Variants in RP1 observed in about 807,000 individuals in gnomAD.
RP1 encodes RP1 axonemal microtubule associated, also known as oxygen-regulated protein 1.
Under a neutral mutation model 14.8 loss-of-function variants are expected in RP1, and 16 were observed. The observed-to-expected ratio is 1.08, with a 90% CI of 0.73 to 1.65. RP1 has a LOEUF of 1.65. Among genes scored for constraint, RP1 ranks in the 40% most tolerant of loss-of-function variants. RP1 has a pLI of 0.00. For missense variants in RP1, 2,631 were observed against 2,535.0 expected (o/e 1.04, Z -0.81); for synonymous variants, 876 against 883.6 (o/e 0.99, Z 0.15).
At chr8:54,806,602 C>A (rs1248307858) in intron 24 of RP1, among the ~76,000 whole-genome samples, 1 of 152,152 alleles carries the variant, frequency 6.6e-6, no homozygotes, top group African/African-American at 2.4e-5. Context: ...TACCTTGCTA[C>A]ATGTGAACAT....
At position 54,627,263 on chromosome 8, in the gene RP1, T is replaced by C. The variant is rs1806086282; in HGVS notation, c.3381T>C (p.Asn1127=). 2 of 1,613,956 alleles carry C rather than the reference T, an allele frequency of 1.2e-6. No homozygotes were observed. The highest frequency in any genetic ancestry group is 1.7e-6 in the Non-Finnish European group (2 of 1,179,990). The change falls in exon 4 of 4, where the codon AAT becomes AAC. Residue 1127 remains asparagine, a synonymous_variant. Coordinates refer to ENST00000220676, the MANE Select transcript of RP1 (RefSeq NM_006269.2). ...CTGCAATATGTAATTCATCCACTAATCTCCTTCTAGCTTGGCTCTTGGTGC... is the reference window on the plus strand; with the variant it reads ...CTGCAATATGTAATTCATCCACTAACCTCCTTCTAGCTTGGCTCTTGGTGC... The part of the protein sequence containing the change: ...FHSAICNSST[N]LLLAWLLVLN...
intron 21 of RP1, among the ~76,000 whole-genome samples, chr8:54,757,876 C>A (rs998091102): frequency 2.6e-5 from 4 of 152,134 alleles, no homozygotes; most frequent in African/African-American, 7.2e-5. Context: ...TGAGAAGATG[C>A]ACAAATATTC....
intron 3 of RP1, 69 bp from the exon 4 acceptor site, chr8:54,624,601 A>G (rs1380976224): frequency 2.6e-5 from 39 of 1,501,084 alleles, no homozygotes; most frequent in Non-Finnish European, 3.3e-5. Flanking sequence ...TCCTTTGGAT[A>G]TTTCTAACTT....
intron 24 of RP1, among the ~76,000 whole-genome samples, chr8:54,832,578 C>T (rs925399652): frequency 6.6e-6 from 1 of 151,916 alleles, no homozygotes; most frequent in Non-Finnish European, 1.5e-5. Flanking sequence ...TCCTTGTCTG[C>T]TAATTCCAAC....
intron 24 of RP1, among the ~76,000 whole-genome samples, chr8:54,829,981 A>G (rs1811479846): frequency 6.6e-6 from 1 of 152,226 alleles, no homozygotes; most frequent in Non-Finnish European, 1.5e-5. Flanking sequence ...CAATGTTCTT[A>G]GAATTAAAAA....
chr8:54,644,499 C>T (rs1483251982), intron 3 of RP1, among the ~76,000 whole-genome samples: 4 of 152,204 alleles, frequency 2.6e-5, no homozygotes, highest in Non-Finnish European at 4.4e-5. Flanking sequence ...AAGGGTTCTT[C>T]TCCACAGATC....
chr8:54,796,097 A>G (rs1239977188), intron 24 of RP1, among the ~76,000 whole-genome samples: 1 of 152,176 alleles, frequency 6.6e-6, no homozygotes, highest in African/African-American at 2.4e-5. Flanking sequence ...GGGTGGACAG[A>G]TAGTGCAGTG....
chr8:54,649,368 A>T (rs908650165), intron 4 of RP1, among the ~76,000 whole-genome samples: 1 of 152,164 alleles, frequency 6.6e-6, no homozygotes, highest in Non-Finnish European at 1.5e-5. Flanking sequence ...GTAAACACTT[A>T]TTTTTATGTG....
chr8:54,625,182 A>G lies in RP1; in HGVS notation c.1300A>G (p.Ile434Val). 2 of 1,614,236 alleles carry G rather than the reference A, an allele frequency of 1.2e-6. No homozygotes were observed. Among genetic ancestry groups the G allele is most frequent in the Non-Finnish European group, 1.7e-6 (2 of 1,180,038 alleles). The change falls in exon 4 of 4, where the codon ATC becomes GTC. Residue 434 changes from isoleucine (I) to valine (V), a missense_variant. Transcript: ENST00000220676. The part of the protein sequence containing the change: ...SWENATVDTD[I>V]IQGTQDQAKH... ...GGAGAATGCTACTGTGGACACAGAT[A>G]TCATCCAGGGAACTCAAGACCAAGC... is the stretch of plus-strand genomic sequence containing the variant.
At chr8:54,734,075 A>T (rs993581645) in intron 17 of RP1, among the ~76,000 whole-genome samples, 2 of 152,004 alleles carry the variant, frequency 1.3e-5, no homozygotes, top group Non-Finnish European at 2.9e-5. Flanking sequence ...GTATTTTTTA[A>T]TTTTTTCAGA....
chr8:54,810,733 G>T (rs777293156), intron 24 of RP1, among the ~76,000 whole-genome samples: 40 of 152,186 alleles, frequency 2.6e-4, no homozygotes, highest in Admixed American at 1.6e-3. Context: ...GTTTAATGTT[G>T]TTCCTGGAGA....
intron 24 of RP1, among the ~76,000 whole-genome samples, chr8:54,833,568 T>A (rs983498779): frequency 1.3e-5 from 2 of 151,998 alleles, no homozygotes; most frequent in African/African-American, 4.8e-5. Context: ...GACTGCTATG[T>A]TAGAAAAAGT....
intron 19 of RP1, among the ~76,000 whole-genome samples, chr8:54,739,687 C>A (rs954484814): frequency 6.6e-6 from 1 of 150,724 alleles, no homozygotes; most frequent in Non-Finnish European, 1.5e-5. Flanking sequence ...GACTCGTGTG[C>A]TTTCTGTCTC....
At chr8:54,657,196 C>T (rs1421752753) in intron 6 of RP1, among the ~76,000 whole-genome samples, 1 of 152,076 alleles carries the variant, frequency 6.6e-6, no homozygotes, top group African/African-American at 2.4e-5. Context: ...ACTATTCTTC[C>T]TCATCAGCCC....
At chr8:54,815,541 T>G (rs187117858) in intron 24 of RP1, among the ~76,000 whole-genome samples, 1 of 152,238 alleles carries the variant, frequency 6.6e-6, no homozygotes, top group African/African-American at 2.4e-5. Context: ...AATATTAAGA[T>G]AGATTACAAA....
chr8:54,739,993 C>T (rs77879413), intron 19 of RP1, among the ~76,000 whole-genome samples: 4,240 of 151,294 alleles, frequency 0.028, 169 homozygotes, highest in African/African-American at 0.083. Context: ...ATGTACAGTA[C>T]GTAATACTTG....
At chr8:54,609,065 T>C (rs539059518) in intron 1 of RP1, among the ~76,000 whole-genome samples, 1 of 152,316 alleles carries the variant, frequency 6.6e-6, no homozygotes, top group South Asian at 2.1e-4. Context: ...TAAGCTATGA[T>C]GGATAGATGT....
At chr8:54,673,768 C>CAAA in intron 7 of RP1, 2 of 1,194,082 alleles carry the variant, frequency 1.7e-6, no homozygotes, top group East Asian at 5.3e-5. Context: ...ACAACAACAA[C>CAAA]AAACACTGCA....
intron 23 of RP1, among the ~76,000 whole-genome samples, chr8:54,780,695 A>G (rs1057108197): frequency 5.3e-5 from 8 of 152,236 alleles, no homozygotes; most frequent in African/African-American, 1.9e-4. Context: ...TAATCTAGAC[A>G]TGATTTAAAG....
Sources: gnomAD v4.1 joint callset for allele counts (sites outside exome capture counted in the v4.1 genomes callset) on GRCh38, gnomAD v4.1.1 for gene constraint, MANE v1.5 for transcripts, NCBI Gene and HGNC (gene_info 2026-07-23, HGNC 2026-07-21) for gene names.